The following CLEC2B variants were observed in gnomAD, a reference collection of about 807,000 sequenced individuals.
CLEC2B encodes C-type (calcium dependent, carbohydrate-recognition domain) lectin, superfamily member 2 (activation-induced).
CLEC2B carries 14 observed loss-of-function variants against 16.2 expected under a neutral mutation model. The observed-to-expected ratio is 0.86, with a 90% CI of 0.57 to 1.35. The LOEUF is 1.35. Among genes scored for constraint, CLEC2B ranks in the 40% most tolerant of loss-of-function variants. The pLI is 0.00. For missense variants in CLEC2B, 166 were observed against 182.3 expected, an observed-to-expected ratio of 0.91 and a Z score of 0.52; for synonymous variants, 42 against 55.8, an observed-to-expected ratio of 0.75 and a Z score of 1.10.
intron 2 of CLEC2B, among the ~76,000 whole-genome samples, chr12:9,859,418 G>A (rs969127978): frequency 7.2e-5 from 11 of 151,874 alleles, no homozygotes; most frequent in Admixed American, 7.2e-4. Flanking sequence ...GTAACTGTGA[G>A]AGATAAAAAC....
intron 4 of CLEC2B, 93 bp from the exon 5 acceptor site, chr12:9,853,501 G>T: frequency 3.3e-6 from 3 of 911,070 alleles, no homozygotes; most frequent in East Asian, 2.5e-5. Context: ...CTAAAGTGCT[G>T]CAAGGTGTAC....
chr12:9,854,605 T>G, intron 3 of CLEC2B, 121 bp from the exon 4 acceptor site: 1 of 620,886 alleles, frequency 1.6e-6, no homozygotes, highest in East Asian at 3.0e-5. Context: ...CTGGCCTCAC[T>G]AGAAAATAGC....
intron 1 of CLEC2B, among the ~76,000 whole-genome samples, chr12:9,862,872 G>C (rs1867942929): frequency 6.6e-6 from 1 of 152,066 alleles, no homozygotes; most frequent in South Asian, 2.1e-4. Flanking sequence ...TTCTATACTG[G>C]AAAAAGTGAG....
intron 2 of CLEC2B, among the ~76,000 whole-genome samples, chr12:9,862,294 G>GAATAATTTTACCAC (rs1344703176): frequency 1.3e-5 from 2 of 151,960 alleles, no homozygotes; most frequent in Non-Finnish European, 2.9e-5. Context: ...TTATCAGGGT[G>GAATAATTTTACCAC]AATAATTTTA....
At chr12:9,858,114 G>A (rs970843974) in intron 2 of CLEC2B, among the ~76,000 whole-genome samples, 4 of 151,996 alleles carry the variant, frequency 2.6e-5, no homozygotes, top group African/African-American at 9.7e-5. Flanking sequence ...TATAGCTCCG[G>A]TTTAGCCAAT....
At chr12:9,861,640 C>T (rs1867933694) in intron 2 of CLEC2B, among the ~76,000 whole-genome samples, 1 of 151,992 alleles carries the variant, frequency 6.6e-6, no homozygotes, top group South Asian at 2.1e-4. Flanking sequence ...AAATGTAACA[C>T]GATCCAAATG....
rs536643125 is a variant in CLEC2B at position 9,854,192 on chromosome 12, T to G, written c.341+189A>C. 7.2e-5 allele frequency among the ~76,000 whole-genome samples: 11 copies of G among 152,268 alleles called. No individual in the cohort carries two copies. In the East Asian group the frequency reaches 1.9e-3, roughly 27 times the overall value. On this transcript the variant is annotated intron_variant, in intron 4 of 4. Coordinates refer to ENST00000228438, the MANE Select transcript of CLEC2B (RefSeq NM_005127.3). ...CAAAATAGCCAACTAGGAGATCTGT[T>G]CCCTTACATCTTAATTTCCAACCTT... is the stretch of plus-strand genomic sequence containing the variant.
chr12:9,853,474 A>T (rs1867867877), intron 4 of CLEC2B, 66 bp from the exon 5 acceptor site: 1 of 1,271,954 alleles, frequency 7.9e-7, no homozygotes, highest in Non-Finnish European at 1.1e-6. Flanking sequence ...ACACCTTTAA[A>T]CAAAAATTCT....
rs1405488003 is a variant in CLEC2B, at chr12:9,853,407, A to T, written c.343T>A (p.Phe115Ile). ...WVDGATFTKS[F>I]GMRGSEGCAY... ...CATCCTTCACTCCCTCTCATGCCAA[A>T]CCTGCAACAAAGGGATTAACCATTA... The change falls in exon 5 of 5, where the codon TTT becomes ATT. Residue 115 changes from phenylalanine (F) to isoleucine (I), a missense_variant and splice_region_variant. By Grantham distance (21) the Phe-to-Ile change is conservative. Transcript: ENST00000228438. The T allele has an allele frequency of 1.2e-6, 2 of 1,612,028 alleles. No individual in the cohort carries two copies.
chr12:9,856,555 G>A (rs1034083484), intron 3 of CLEC2B, among the ~76,000 whole-genome samples: 1 of 151,950 alleles, frequency 6.6e-6, no homozygotes, highest in Admixed American at 6.6e-5. Flanking sequence ...CATTTAAATT[G>A]GAACCAATCT....
chr12:9,855,307 A>G (rs988368528), intron 3 of CLEC2B, among the ~76,000 whole-genome samples: 1 of 152,124 alleles, frequency 6.6e-6, no homozygotes, highest in Non-Finnish European at 1.5e-5. Context: ...TCAATACACT[A>G]TCTTCACAGC....
rs1591769642 is a variant in CLEC2B at position 9,862,030 on chromosome 12, T to C, written c.73+469A>G. 3.9e-5 allele frequency among the ~76,000 whole-genome samples: 6 copies of C among 152,198 alleles called. No homozygotes were observed. The South Asian group carries it at 1.2e-3, about 31-fold the overall frequency. On this transcript the variant is annotated intron_variant, in intron 2 of 4. Coordinates refer to ENST00000228438, the MANE Select transcript of CLEC2B (RefSeq NM_005127.3). ...TCAACCTTTTTCCATAATAGTGAGT[T>C]AATGAACTTCTGCTACCTATGATGA...
chr12:9,862,668 A>T (rs1867941567), intron 1 of CLEC2B, 95 bp from the exon 2 acceptor site: 1 of 1,072,278 alleles, frequency 9.3e-7, no homozygotes, highest in Non-Finnish European at 1.2e-6. Context: ...AGAAAACAAC[A>T]ACAAAATATT....
intron 1 of CLEC2B, among the ~76,000 whole-genome samples, chr12:9,865,172 G>A (rs1183561271): frequency 1.3e-5 from 1 of 78,780 alleles, no homozygotes; most frequent in Non-Finnish European, 2.3e-5. Context: ...AATAAAGCAA[G>A]ACTCTCTCAA....
chr12:9,859,649 T>C (rs1222084263), intron 2 of CLEC2B, among the ~76,000 whole-genome samples: 6 of 151,772 alleles, frequency 4.0e-5, no homozygotes. Flanking sequence ...ACCAACGTTA[T>C]ACACACTCTT....
chr12:9,868,533 G>A (rs1306753281), intron 1 of CLEC2B, among the ~76,000 whole-genome samples: 2 of 152,074 alleles, frequency 1.3e-5, no homozygotes, highest in Non-Finnish European at 2.9e-5. Flanking sequence ...AATGCATTTA[G>A]TTTCAGCCTT....
Position 9,855,519 on chromosome 12 carries a change from C to T in CLEC2B, c.238-1035G>A, listed in dbSNP as rs185054911. On this transcript the variant is annotated intron_variant, in intron 3 of 4. Coordinates refer to ENST00000228438, the MANE Select transcript of CLEC2B (RefSeq NM_005127.3). ...CAATACAATGTGAAATTGGAATTTA[C>T]GGAAAAAAATATGAGTTTTTAAGGG... 6.1e-4 allele frequency among the ~76,000 whole-genome samples: 92 copies of T among 151,822 alleles called. 1 individual carries two copies. In the Middle Eastern group the frequency reaches 0.017, roughly 28 times the overall value.
In CLEC2B at chr12:9,857,257, A is replaced by G. The variant is rs907444940; in HGVS notation, c.237+217T>C. On this transcript the variant is annotated intron_variant, in intron 3 of 4. Transcript: ENST00000228438. ...TGTGTACACTCTTTAAAATATAAAGATAGGTATTAAGTCTACTACTTGATG... is the reference window on the plus strand; with the variant it reads ...TGTGTACACTCTTTAAAATATAAAGGTAGGTATTAAGTCTACTACTTGATG... 7 of 492,670 alleles carry G rather than the reference A, an allele frequency of 1.4e-5. No homozygotes were observed. The Admixed American group carries it at 1.4e-4, about 10-fold the overall frequency. 30.5% of individuals were successfully genotyped at this position (492,670 alleles called of 1,614,324 possible).
intron 2 of CLEC2B, among the ~76,000 whole-genome samples, chr12:9,860,841 C>G (rs572363847): frequency 1.3e-5 from 2 of 151,890 alleles, no homozygotes; most frequent in Non-Finnish European, 3.0e-5. Context: ...CAAAGACCAA[C>G]TGCAGTTGAG....
Sources: gnomAD v4.1 joint callset for allele counts (sites outside exome capture counted in the v4.1 genomes callset) on GRCh38, gnomAD v4.1.1 for gene constraint, MANE v1.5 for transcripts, NCBI Gene and HGNC (gene_info 2026-07-23, HGNC 2026-07-21) for gene names.